DOCK3: variants seen among roughly 807,000 people sequenced by gnomAD.
The protein encoded by DOCK3 is dedicator of cytokinesis 3, also known as dedicator of cytokinesis protein 3.
In DOCK3, 60 loss-of-function variants were observed where a neutral mutation model predicts 265.6. The observed-to-expected ratio is 0.23, with a 90% CI of 0.18 to 0.28. DOCK3 has a LOEUF of 0.28. DOCK3 is among the 10% of genes least tolerant of loss of function. DOCK3 has a pLI of 1.00. For synonymous variants in DOCK3, 881 were observed against 938.0 expected, an observed-to-expected ratio of 0.94 and a Z score of 1.11; for missense variants, 1,981 against 2,594.3, an observed-to-expected ratio of 0.76 and a Z score of 5.14.
intron 2 of DOCK3, among the ~76,000 whole-genome samples, chr3:50,815,937 A>G (rs1341425981): frequency 1.3e-5 from 2 of 152,210 alleles, no homozygotes; most frequent in Non-Finnish European, 2.9e-5. Context: ...ACTGGTTAAC[A>G]TCAGCTTACT....
At chr3:51,117,111 GTTC>G (rs1246056587) in intron 9 of DOCK3, among the ~76,000 whole-genome samples, 1 of 152,122 alleles carries the variant, frequency 6.6e-6, no homozygotes, top group Non-Finnish European at 1.5e-5. Context: ...GTCATAAATA[GTTC>G]TTATTATTTT....
intron 1 of DOCK3, among the ~76,000 whole-genome samples, chr3:50,682,426 T>A (rs1002383425): frequency 3.9e-5 from 6 of 152,224 alleles, no homozygotes; most frequent in Non-Finnish European, 5.9e-5. Context: ...TTTCTTAAAT[T>A]ATTTCCAGCC....
intron 49 of DOCK3, among the ~76,000 whole-genome samples, chr3:51,365,803 A>G (rs987852636): frequency 1.3e-5 from 2 of 152,218 alleles, no homozygotes; most frequent in Non-Finnish European, 2.9e-5. Context: ...TGATCTGCAT[A>G]TGTTGAACCA....
At chr3:51,239,414 TGGC>T (rs1248947325) in intron 21 of DOCK3, among the ~76,000 whole-genome samples, 2 of 151,984 alleles carry the variant, frequency 1.3e-5, no homozygotes, top group African/African-American at 4.8e-5. Flanking sequence ...TTCACCATGT[TGGC>T]CAGGCTGGTC....
intron 4 of DOCK3, among the ~76,000 whole-genome samples, chr3:50,897,573 A>T (rs1333214596): frequency 6.6e-6 from 1 of 152,204 alleles, no homozygotes; most frequent in Non-Finnish European, 1.5e-5. Flanking sequence ...TTTCAAAAGG[A>T]ATGCTTCCAG....
At chr3:51,076,228 C>T (rs1210751712) in intron 7 of DOCK3, among the ~76,000 whole-genome samples, 2 of 152,150 alleles carry the variant, frequency 1.3e-5, no homozygotes, top group African/African-American at 4.8e-5. Context: ...TACTTACTAG[C>T]ATACCCAAGC....
intron 14 of DOCK3, among the ~76,000 whole-genome samples, chr3:51,220,709 G>GTGTGTGTGTATA (rs1208536854): frequency 0.013 from 1,701 of 132,226 alleles, 49 homozygotes; most frequent in African/African-American, 0.049. Context: ...GTGTGTGTGT[G>GTGTGTGTGTATA]TATATATATA....
At chr3:51,195,493 C>A (rs1157204525) in intron 12 of DOCK3, among the ~76,000 whole-genome samples, 1 of 151,890 alleles carries the variant, frequency 6.6e-6, no homozygotes, top group African/African-American at 2.4e-5. Flanking sequence ...CGGCTCACTG[C>A]AGCCTCCACT....
chr3:50,685,390 A>G (rs1018420595), intron 1 of DOCK3, among the ~76,000 whole-genome samples: 2 of 152,246 alleles, frequency 1.3e-5, no homozygotes, highest in Admixed American at 6.5e-5. Flanking sequence ...TTACAAAAGT[A>G]AAAGGTCCCC....
chr3:50,758,195 AAG>A (rs151182520), intron 1 of DOCK3, among the ~76,000 whole-genome samples: 33,448 of 77,494 alleles, frequency 0.43, 10,328 homozygotes, highest in South Asian at 0.55. Flanking sequence ...AAAAAAAAAA[AAG>A]AAAAAAAAAA....
At chr3:50,957,138 T>C (rs932374748) in intron 5 of DOCK3, among the ~76,000 whole-genome samples, 2 of 152,252 alleles carry the variant, frequency 1.3e-5, no homozygotes, top group African/African-American at 2.4e-5. Flanking sequence ...AATTGTAATA[T>C]TGTACCAGCC....
At chr3:51,350,251 G>A in intron 39 of DOCK3, 37 bp from the exon 40 acceptor site, 1 of 1,567,552 alleles carries the variant, frequency 6.4e-7, no homozygotes, top group Non-Finnish European at 8.6e-7. Flanking sequence ...GATACCAACA[G>A]CAGTCAAGCC....
intron 2 of DOCK3, among the ~76,000 whole-genome samples, chr3:50,826,607 A>G (rs915322744): frequency 4.6e-5 from 7 of 152,210 alleles, no homozygotes; most frequent in African/African-American, 1.4e-4. Context: ...ATGAAAAATC[A>G]CTTTGTAGGA....
chr3:50,712,368 C>T (rs1339000091), intron 1 of DOCK3, among the ~76,000 whole-genome samples: 16 of 152,284 alleles, frequency 1.1e-4, no homozygotes, highest in African/African-American at 1.7e-4. Context: ...GACGGAGTCT[C>T]GCTCTGTTGC....
At chr3:50,808,723 A>C (rs2043570608) in intron 2 of DOCK3, among the ~76,000 whole-genome samples, 1 of 152,200 alleles carries the variant, frequency 6.6e-6, no homozygotes. Context: ...CTTGAAGGGA[A>C]AGGGGTTCTT....
intron 4 of DOCK3, among the ~76,000 whole-genome samples, chr3:50,904,876 A>G (rs142340979): frequency 0.094 from 14,375 of 152,130 alleles, 847 homozygotes; most frequent in Non-Finnish European, 0.12. Context: ...GTTTTCTTCT[A>G]GGGTTTTTAT....
intron 5 of DOCK3, among the ~76,000 whole-genome samples, chr3:50,973,071 T>TTTTTTTTTTTC (rs2077297409): frequency 6.9e-6 from 1 of 144,898 alleles, no homozygotes; most frequent in African/African-American, 2.5e-5. Context: ...TTTTTTTTTT[T>TTTTTTTTTTTC]TTGCAGTTCC....
intron 2 of DOCK3, among the ~76,000 whole-genome samples, chr3:50,825,564 AT>A (rs2044710979): frequency 1.3e-5 from 2 of 151,912 alleles, no homozygotes; most frequent in African/African-American, 4.8e-5. Context: ...GGATTGGGAG[AT>A]TTCATGCACA....
At chr3:50,934,190 A>G (rs1411182839) in intron 5 of DOCK3, 113 bp downstream of exon 5, 6 of 754,866 alleles carry the variant, frequency 7.9e-6, no homozygotes, top group Admixed American at 6.3e-5. Context: ...AGTTTATCAA[A>G]CATATGTTCT....
Sources: allele counts gnomAD v4.1 joint callset (sites outside exome capture counted in the v4.1 genomes callset), GRCh38; gene constraint gnomAD v4.1.1; transcripts MANE v1.5; gene names NCBI Gene and HGNC (gene_info 2026-07-23, HGNC 2026-07-21).